The following FAM153A variants were observed in gnomAD, a reference collection of about 807,000 sequenced individuals.
The protein encoded by FAM153A is family with sequence similarity 153 member A, also known as protein FAM153A.
In FAM153A, 12 loss-of-function variants were observed where a neutral mutation model predicts 48.1. The observed-to-expected ratio is 0.25, with a 90% CI of 0.16 to 0.40. The LOEUF is 0.40. Among genes scored for constraint, FAM153A ranks in the 10% least tolerant of loss-of-function variants. The pLI, the probability that FAM153A is intolerant of heterozygous loss-of-function variation, is 1.00. For missense variants in FAM153A, 111 were observed against 345.8 expected, an observed-to-expected ratio of 0.32 and a Z score of 5.38; for synonymous variants, 36 against 118.2, an observed-to-expected ratio of 0.30 and a Z score of 4.51.
chr5:177,700,334 T>C, the FAM153A span, among the ~76,000 whole-genome samples: 1 of 152,018 alleles, frequency 6.6e-6, no homozygotes, highest in South Asian at 2.1e-4. Context: ...TTGGAATTTC[T>C]AACCAGACAG....
upstream of FAM153A, among the ~76,000 whole-genome samples, chr5:177,753,766 C>T (rs1000557828): frequency 4.6e-5 from 7 of 151,322 alleles, no homozygotes; most frequent in Non-Finnish European, 1.0e-4. Context: ...TTCAGTACAA[C>T]TTTCCATCAC....
At chr5:177,712,584 G>T (rs988536767) in exon 27 of FAM153A, 1 of 151,880 alleles carries the variant, frequency 6.6e-6, no homozygotes, top group African/African-American at 2.4e-5. Flanking sequence ...TGACACTCAA[G>T]GCTGGTATAC....
chr5:177,715,755 G>T (rs1339329753), intron 25 of FAM153A, among the ~76,000 whole-genome samples: 1 of 151,780 alleles, frequency 6.6e-6, no homozygotes, highest in Non-Finnish European at 1.5e-5. Context: ...CCAGCCTGGA[G>T]TGCAGTGGTA....
chr5:177,754,830 C>T (rs1767530791), upstream of FAM153A, among the ~76,000 whole-genome samples: 2 of 151,790 alleles, frequency 1.3e-5, 1 homozygote, highest in South Asian at 4.2e-4. Flanking sequence ...CACCAAAACC[C>T]CATCTGTATG....
At chr5:177,708,628 T>C (rs1404724781), downstream of FAM153A, among the ~76,000 whole-genome samples, 2 of 151,930 alleles carry the variant, frequency 1.3e-5, no homozygotes, top group Non-Finnish European at 2.9e-5. Flanking sequence ...GCATTACCAA[T>C]AGTAGTGTCA....
chr5:177,754,917 A>C (rs1340392821), upstream of FAM153A, among the ~76,000 whole-genome samples: 1 of 151,884 alleles, frequency 6.6e-6, no homozygotes, highest in African/African-American at 2.4e-5. Context: ...CAAAATTCTA[A>C]AAATCAGAGT....
downstream of FAM153A, among the ~76,000 whole-genome samples, chr5:177,709,452 T>G (rs1258376829): frequency 6.7e-6 from 1 of 149,018 alleles, no homozygotes; most frequent in East Asian, 2.0e-4. Flanking sequence ...ACCTCCACCT[T>G]CCAGGTTCAA....
chr5:177,733,399 ATGT>A (rs3051466), intron 14 of FAM153A, among the ~76,000 whole-genome samples: 1 of 143,142 alleles, frequency 7.0e-6, no homozygotes, highest in Admixed American at 7.4e-5. Context: ...TTTTCTTTTC[ATGT>A]TGTAGTTTCT....
chr5:177,725,769 G>GC (rs1762316847), intron 18 of FAM153A, among the ~76,000 whole-genome samples: 3 of 151,820 alleles, frequency 2.0e-5, no homozygotes, highest in Non-Finnish European at 2.9e-5. Context: ...GGATTCCAGG[G>GC]ACCAGGCTAC....
upstream of FAM153A, among the ~76,000 whole-genome samples, chr5:177,781,310 T>A (rs1769638313): frequency 7.1e-6 from 1 of 140,810 alleles, no homozygotes; most frequent in Non-Finnish European, 1.5e-5. Context: ...ACAGACAGGG[T>A]TTCACCGTGT....
At chr5:177,752,618 CAAAAAAAAAAAA>C (rs71274705) in intron 1 of FAM153A, among the ~76,000 whole-genome samples, 7 of 31,036 alleles carry the variant, frequency 2.3e-4, no homozygotes, top group African/African-American at 1.6e-3. Context: ...GAGACTCTGC[CAAAAAAAAAAAA>C]AAAAAAAAAA....
chr5:177,739,377 T>C (rs1487780015), intron 9 of FAM153A, among the ~76,000 whole-genome samples: 3 of 119,502 alleles, frequency 2.5e-5, no homozygotes, highest in Non-Finnish European at 5.4e-5. Flanking sequence ...CTGAGGACAA[T>C]GCTTGCTGAC....
the FAM153A span, among the ~76,000 whole-genome samples, chr5:177,700,927 T>C: frequency 6.6e-6 from 1 of 151,968 alleles, no homozygotes; most frequent in African/African-American, 2.4e-5. Flanking sequence ...TTTGGATCCA[T>C]GTCCCCACCT....
rs375402372 is a variant in FAM153A, at chr5:177,730,089, T to C, written c.863-534A>G. Among the ~76,000 whole-genome samples, 298 of 106,394 alleles carry C rather than the reference T, an allele frequency of 2.8e-3. 58 individuals carry two copies. The highest frequency in any genetic ancestry group is 0.025 in the Admixed American group (235 of 9,444). 69.8% of individuals were successfully genotyped at this position (106,394 alleles called of 152,430 possible). A position where few individuals can be genotyped will look rare whatever the true frequency, so the allele number is the denominator to read the frequency against. On this transcript the variant is annotated intron_variant, in intron 16 of 20. Transcript: ENST00000614127. Reference sequence around the variant, plus strand: ...AGATTTGAAAATAATTATCCTACCATTTAAAGATGACCCCTACTTAGCATG... The same window carrying C: ...AGATTTGAAAATAATTATCCTACCACTTAAAGATGACCCCTACTTAGCATG...
chr5:177,723,291 G>T (rs1165700424), downstream of FAM153A: 17 of 121,796 alleles, frequency 1.4e-4, 1 homozygote, highest in African/African-American at 4.7e-4. Context: ...GCATAAAAGG[G>T]TTACAGAAGA....
chr5:177,700,720 T>A, the FAM153A span, among the ~76,000 whole-genome samples: 1 of 151,824 alleles, frequency 6.6e-6, no homozygotes, highest in Non-Finnish European at 1.5e-5. Flanking sequence ...GAGAATCACT[T>A]GAACCCAGGA....
At chr5:177,755,328 G>A (rs1459725051), upstream of FAM153A, among the ~76,000 whole-genome samples, 2 of 151,792 alleles carry the variant, frequency 1.3e-5, no homozygotes, top group African/African-American at 2.4e-5. Context: ...AGAAATATGG[G>A]ACTATGTGAA....
intron 13 of FAM153A, 92 bp downstream of exon 15, chr5:177,734,771 A>C (rs1764423104): frequency 3.7e-6 from 6 of 1,609,880 alleles, no homozygotes; most frequent in Non-Finnish European, 5.1e-6. Context: ...ACTAAGATAT[A>C]TATCTTCAGA....
At chr5:177,746,664 G>A (rs1276786662) in intron 4 of FAM153A, among the ~76,000 whole-genome samples, 1 of 149,894 alleles carries the variant, frequency 6.7e-6, no homozygotes, top group Admixed American at 6.6e-5. Flanking sequence ...CACTGTGTGT[G>A]TGTGTCATGG....
Sources: allele counts gnomAD v4.1 joint callset (sites outside exome capture counted in the v4.1 genomes callset), GRCh38; gene constraint gnomAD v4.1.1; transcripts MANE v1.5; gene names NCBI Gene and HGNC (gene_info 2026-07-23, HGNC 2026-07-21).